NIN: variants seen among roughly 807,000 people sequenced by gnomAD.
NIN encodes ninein.
In NIN, 137 loss-of-function variants were observed where a neutral mutation model predicts 257.6. That is an observed-to-expected ratio of 0.53 (90% CI 0.46 to 0.61). The LOEUF (loss-of-function observed/expected upper bound fraction) is 0.61. Ranked by LOEUF, NIN falls within the 20% of genes least tolerant of loss-of-function variation. NIN has a pLI of 0.00. For synonymous variants in NIN, 918 were observed against 919.8 expected, an observed-to-expected ratio of 1.00 and a Z score of 0.04; for missense variants, 2,439 against 2,501.2, an observed-to-expected ratio of 0.98 and a Z score of 0.53.
At chr14:50,827,975 AAAAAAC>A (rs2045540032) in intron 2 of NIN, among the ~76,000 whole-genome samples, 2 of 151,678 alleles carry the variant, frequency 1.3e-5, no homozygotes, top group African/African-American at 2.4e-5. Context: ...TACAGGAAAA[AAAAAAC>A]AAAAAACAAA....
At chr14:50,736,787 C>T (rs763673346) in intron 27 of NIN, among the ~76,000 whole-genome samples, 10 of 152,062 alleles carry the variant, frequency 6.6e-5, no homozygotes, top group Admixed American at 5.9e-4. Flanking sequence ...TGATAACTTT[C>T]ACAAAAAACA....
chr14:50,793,673 C>A (rs899009340), intron 4 of NIN, among the ~76,000 whole-genome samples: 3 of 152,198 alleles, frequency 2.0e-5, no homozygotes, highest in Non-Finnish European at 4.4e-5. Context: ...AGGTTCAACA[C>A]TGACCACCTT....
intron 2 of NIN, among the ~76,000 whole-genome samples, chr14:50,824,786 A>G (rs996162817): frequency 4.6e-5 from 7 of 152,118 alleles, no homozygotes; most frequent in African/African-American, 1.7e-4. Flanking sequence ...GGGCATATGA[A>G]AATTTTGGAA....
rs114033895 is a variant in NIN at position 50,732,070 on chromosome 14, T to C, written c.5878-2347A>G. On this transcript the variant is annotated intron_variant, in intron 28 of 30. Coordinates refer to ENST00000530997, the MANE Select transcript of NIN (RefSeq NM_020921.4). ...CGCTCATGTTGAAAAAGCTCCGAAG[T>C]AGGCGTCAAATTCTAGCCCTAATTT... Among the ~76,000 whole-genome samples the C allele has an allele frequency of 8.9e-3, 1,360 of 152,344 alleles. 20 individuals are homozygous for C. Among genetic ancestry groups the C allele is most frequent in the African/African-American group, 0.031 (1,289 of 41,562 alleles).
At chr14:50,772,585 GA>G (rs2042779072) in intron 8 of NIN, 117 bp from the exon 9 acceptor site, 7 of 891,006 alleles carry the variant, frequency 7.9e-6, no homozygotes, top group Admixed American at 5.0e-5. Flanking sequence ...ACAGTGCCAG[GA>G]AAAAAGTCAT....
intron 30 of NIN, 65 bp downstream of exon 30, chr14:50,725,888 G>C (rs1410931371): frequency 1.2e-6 from 2 of 1,613,472 alleles, no homozygotes; most frequent in Non-Finnish European, 1.7e-6. Context: ...GCAATAAAGG[G>C]ATGTAAAACT....
chr14:50,747,754 G>GAAA (rs1460378923), intron 22 of NIN, among the ~76,000 whole-genome samples: 113 of 151,544 alleles, frequency 7.5e-4, no homozygotes, highest in African/African-American at 2.7e-3. Context: ...AAAAAAAGGG[G>GAAA]GGGATTTTAG....
In NIN at chr14:50,739,503, G is replaced by C; in HGVS notation, c.5449-16C>G. On this transcript the variant is annotated splice_polypyrimidine_tract_variant and intron_variant, in intron 25 of 30. Coordinates refer to ENST00000530997, the MANE Select transcript of NIN (RefSeq NM_020921.4). ...GGGCCCAGCTCTTAAGAGAATTGCA[G>C]AGTGTAAGCCTTAAAAACAAGCTAT... 3.1e-6 allele frequency: 5 copies of C among 1,613,388 alleles called. No individual in the cohort carries two copies. Among genetic ancestry groups the C allele is most frequent in the Non-Finnish European group, 3.4e-6 (4 of 1,179,724 alleles).
chr14:50,773,203 G>A (rs959821718), intron 7 of NIN, 108 bp from the exon 8 acceptor site: 4 of 726,614 alleles, frequency 5.5e-6, no homozygotes, highest in Non-Finnish European at 8.7e-6. Flanking sequence ...CAGGACTCCA[G>A]AAATATAATT....
Position 50,741,658 on chromosome 14 carries a change from A to G in NIN, c.5372T>C (p.Val1791Ala). Residue 1791 changes from valine to alanine, a missense_variant, in exon 25 of 31, where the codon GTG becomes GCG. This residue lies in a region of NIN where 2,043 missense variants were observed against 2,050.2 expected (regional missense o/e 1.00). Transcript: ENST00000530997. ...QMSRMKSDLR[V>A]TQQEKEALKQ... The stretch of plus-strand genomic sequence containing the variant: ...TAAAGCCTCCTTTTCCTGCTGAGTC[A>G]CTCGTAGGTCAGATTTCATCCGGGA... 1.2e-6 allele frequency: 2 copies of G among 1,614,002 alleles called. No homozygotes were observed. The highest frequency in any genetic ancestry group is 1.7e-6 in the Non-Finnish European group (2 of 1,179,932).
chr14:50,763,739 T>A, intron 15 of NIN, 87 bp downstream of exon 15: 1 of 1,166,768 alleles, frequency 8.6e-7, no homozygotes, highest in Non-Finnish European at 1.2e-6. Flanking sequence ...TTTTTTCAAG[T>A]TGCCAAAGCT....
chr14:50,741,860 T>A, intron 24 of NIN, 132 bp from the exon 25 acceptor site: 1 of 919,190 alleles, frequency 1.1e-6, no homozygotes, highest in Non-Finnish European at 1.6e-6. Context: ...AGCTTTCTTG[T>A]CAGTAGCTCA....
chr14:50,823,698 G>A (rs970338803), intron 2 of NIN, among the ~76,000 whole-genome samples: 1 of 152,168 alleles, frequency 6.6e-6, no homozygotes, highest in African/African-American at 2.4e-5. Context: ...AAGCAACATG[G>A]CACAATTTTG....
chr14:50,791,621 T>G (rs962198355), intron 5 of NIN, among the ~76,000 whole-genome samples: 2 of 152,184 alleles, frequency 1.3e-5, no homozygotes, highest in African/African-American at 4.8e-5. Flanking sequence ...ATTTCCGTAT[T>G]TATTGCCAAC....
At chr14:50,772,142 TA>T in intron 9 of NIN, 158 bp downstream of exon 9, 1 of 634,638 alleles carries the variant, frequency 1.6e-6, no homozygotes, top group Non-Finnish European at 2.6e-6. Context: ...GGCTCCTGGT[TA>T]AAAGGGCTAA....
rs1009429428 is a variant in NIN at position 50,722,073 on chromosome 14, G to C, written c.*1390C>G. Reference sequence around the variant, plus strand: ...ATTATTGTCTCATGAAAACAAGCAGGTTGTTGTGATGAACTTGGAAAGTGC... The same window carrying C: ...ATTATTGTCTCATGAAAACAAGCAGCTTGTTGTGATGAACTTGGAAAGTGC... On this transcript the variant is annotated 3_prime_UTR_variant, in exon 31 of 31. Coordinates refer to ENST00000530997, the MANE Select transcript of NIN (RefSeq NM_020921.4). 4.4e-6 allele frequency: 1 copy of C among 228,820 alleles called. No individual in the cohort carries two copies. Among genetic ancestry groups the C allele is most frequent in the African/African-American group, 2.2e-5 (1 of 45,088 alleles). The allele number at this position is 228,820 out of a possible 1,614,324, so 14.2% of individuals were successfully genotyped here.
At chr14:50,789,865 C>T (rs1273197799) in intron 5 of NIN, among the ~76,000 whole-genome samples, 1 of 152,076 alleles carries the variant, frequency 6.6e-6, no homozygotes, top group Non-Finnish European at 1.5e-5. Flanking sequence ...GGAAACTGAC[C>T]AGAAACAGGA....
intron 21 of NIN, 110 bp from the exon 22 acceptor site, chr14:50,748,215 C>T (rs1450865516): frequency 1.6e-6 from 1 of 638,168 alleles, no homozygotes; most frequent in Non-Finnish European, 2.7e-6. Context: ...AACTCAATGA[C>T]ACTGTTTTAT....
At chr14:50,746,153 A>G (rs545828385) in intron 22 of NIN, among the ~76,000 whole-genome samples, 14 of 152,162 alleles carry the variant, frequency 9.2e-5, no homozygotes, top group African/African-American at 3.4e-4. Flanking sequence ...CAAAGCACAC[A>G]TTTCCCATAC....
Sources: gnomAD v4.1 joint callset for allele counts (sites outside exome capture counted in the v4.1 genomes callset) on GRCh38, gnomAD v4.1.1 for gene constraint, gnomAD v4.1.1 regional missense constraint, MANE v1.5 for transcripts, NCBI Gene and HGNC (gene_info 2026-07-23, HGNC 2026-07-21) for gene names.